GPT: variants seen among roughly 807,000 people sequenced by gnomAD.
GPT encodes the protein glutamic--pyruvic transaminase.
A neutral mutation model predicts 51.4 loss-of-function variants in GPT; 60 were observed. The observed-to-expected ratio is 1.17, with a 90% CI of 0.95 to 1.45. The LOEUF (loss-of-function observed/expected upper bound fraction) is 1.45. Among genes scored for constraint, GPT ranks in the 40% most tolerant of loss-of-function variants. GPT has a pLI of 0.00. For missense variants in GPT, 853 were observed against 704.0 expected (o/e 1.21, Z -2.40); for synonymous variants, 397 against 303.1 (o/e 1.31, Z -3.22).
upstream of GPT, chr8:144,504,028 C>T (rs1334605268): frequency 1.9e-6 from 1 of 534,366 alleles, no homozygotes; most frequent in Non-Finnish European, 3.4e-6. Flanking sequence ...TTGCCCCAAG[C>T]CCCGCCTGCC....
rs758443116 is a variant in GPT, at chr8:144,504,841, C to A, written c.323C>A (p.Ala108Glu). The A allele has an allele frequency of 5.0e-6, 8 of 1,613,516 alleles. No homozygotes were observed. The highest frequency in any genetic ancestry group is 6.8e-6 in the Non-Finnish European group (8 of 1,180,016). ...PNFPDDAKKR[A>E]ERILQACGGH... The stretch of plus-strand genomic sequence containing the variant: ...TTCCCTGACGATGCCAAGAAAAGGG[C>A]GGAGCGCATCTTGCAGGCGTGTGGG... Residue 108 changes from alanine to glutamate, a missense_variant, in exon 3 of 11, where the codon GCG becomes GAG. Ala to Glu is a moderately radical substitution (Grantham distance 107). Transcript: ENST00000394955.
Position 144,506,275 on chromosome 8 carries a change from G to T in GPT, c.1000G>T (p.Ala334Ser), listed in dbSNP as rs976176368. The T allele has an allele frequency of 6.2e-7, 1 of 1,604,584 alleles. No individual in the cohort carries two copies. The highest frequency in any genetic ancestry group is 8.5e-7 in the Non-Finnish European group (1 of 1,178,322). Residue 334 changes from alanine (A) to serine (S), a missense_variant, in exon 8 of 11, where the codon GCT becomes TCT. Ala to Ser is a moderately conservative substitution (Grantham distance 99). Coordinates refer to ENST00000394955, the MANE Select transcript of GPT (RefSeq NM_005309.3). The surrounding 1 kb of genome is among the most constrained non-coding windows in gnomAD (Gnocchi z 7.0). ...GGYVEVVNMD[A>S]AVQQQMLKLM... ...CTATGTGGAGGTGGTGAACATGGAC[G>T]CTGCAGTGCAGCAGCAGATGCTGAA... is the stretch of plus-strand genomic sequence containing the variant.
Position 144,505,479 on chromosome 8 carries a change from C to A in GPT, c.729C>A (p.Gly243=). ...RPRALCVINP[G]NPTGQVQTRE... is the part of the protein sequence containing the mutation. ...GTGCGCTCTGTGTCATCAACCCTGG[C>A]AACCCCACCGGTGCGTTCCCCGCCG... is the stretch of plus-strand genomic sequence containing the variant. Residue 243 remains glycine (G), a synonymous_variant, in exon 5 of 11, where the codon GGC becomes GGA. Transcript: ENST00000394955. 6.3e-7 allele frequency: 1 copy of A among 1,585,834 alleles called. No individual in the cohort carries two copies. Among genetic ancestry groups the A allele is most frequent in the Non-Finnish European group, 8.6e-7 (1 of 1,168,854 alleles).
Position 144,504,624 on chromosome 8 carries a change from C to T in GPT, c.183C>T (p.Thr61=), listed in dbSNP as rs755615509. ...CCCAGGGTGTGAAGAAGCCTTTCAC[C>T]GAGGTCATCCGTGCCAACATCGGGG... ...ELRQGVKKPF[T]EVIRANIGDA... The change falls in exon 2 of 11, where the codon ACC becomes ACT. Residue 61 remains threonine, a synonymous_variant. Coordinates refer to ENST00000394955, the MANE Select transcript of GPT (RefSeq NM_005309.3). 9 of 1,613,148 alleles carry T rather than the reference C, an allele frequency of 5.6e-6. No homozygotes were observed. Among genetic ancestry groups the T allele is most frequent in the East Asian group, 4.5e-5 (2 of 44,878 alleles).
chr8:144,505,909 C>T lies in GPT; in HGVS notation c.801C>T (p.Leu267=). ...AVIRFAFEER[L]FLLADEVYQD... is the part of the protein sequence containing the mutation. ...TCCGCTTCGCCTTCGAAGAGCGGCTCTTTCTGCTGGCGGACGAGGTGCGCG... is the reference window on the plus strand; with the variant it reads ...TCCGCTTCGCCTTCGAAGAGCGGCTTTTTCTGCTGGCGGACGAGGTGCGCG... The change falls in exon 6 of 11, where the codon CTC becomes CTT. Residue 267 remains leucine (L), a synonymous_variant. Coordinates refer to ENST00000394955, the MANE Select transcript of GPT (RefSeq NM_005309.3). 2 of 1,604,860 alleles carry T rather than the reference C, an allele frequency of 1.2e-6. No individual in the cohort carries two copies. Among genetic ancestry groups the T allele is most frequent in the Non-Finnish European group, 1.7e-6 (2 of 1,176,470 alleles).
chr8:144,503,859 G>T, upstream of GPT: 1 of 226,440 alleles, frequency 4.4e-6, no homozygotes, highest in Non-Finnish European at 8.9e-6. Context: ...CCTCAGGGCT[G>T]CTGGGCACCC....
Position 144,504,396 on chromosome 8 carries a change from GGA to G in GPT, c.96_97del (p.Arg32SerfsTer59). 2 of 1,611,784 alleles carry G rather than the reference GGA, an allele frequency of 1.2e-6. No homozygotes were observed. Among genetic ancestry groups the G allele is most frequent in the African/African-American group, 1.3e-5 (1 of 75,074 alleles). ...CTGGACGGCATGAACCCGCGTGTGC[GGA>G]GAGTGGAGTACGCAGTGCGTGGCCC... On this transcript the variant is annotated frameshift_variant, in exon 1 of 11. Transcript: ENST00000394955. LOFTEE classifies it high-confidence loss of function.
In GPT at chr8:144,505,421, C is replaced by T. The variant is rs1367251407; in HGVS notation, c.671C>T (p.Ala224Val). The T allele has an allele frequency of 1.3e-6, 2 of 1,599,570 alleles. No individual in the cohort carries two copies. Among genetic ancestry groups the T allele is most frequent in the Non-Finnish European group, 1.7e-6 (2 of 1,175,100 alleles). ...WALDVAELHR[A>V]LGQARDHCRP... ...CTGGACGTGGCCGAGCTTCACCGTG[C>T]ACTGGGCCAGGCGCGTGACCACTGC... The change falls in exon 5 of 11, where the codon GCA (alanine) becomes GTA (valine). Residue 224 changes from alanine to valine, a missense_variant. Ala to Val is a moderately conservative substitution (Grantham distance 64). Coordinates refer to ENST00000394955, the MANE Select transcript of GPT (RefSeq NM_005309.3).
At position 144,504,766 on chromosome 8, in the gene GPT, C is replaced by T. The variant is rs1216408637; in HGVS notation, c.253-5C>T. 6.2e-7 allele frequency: 1 copy of T among 1,607,558 alleles called. No individual in the cohort carries two copies. Among genetic ancestry groups the T allele is most frequent in the Non-Finnish European group, 8.5e-7 (1 of 1,175,142 alleles). On this transcript the variant is annotated splice_polypyrimidine_tract_variant and splice_region_variant and intron_variant, in intron 2 of 10. Transcript: ENST00000394955. ...TGCCCTGGCCTCAGCACTCCGTCTTCCCAGGTCTTGGCCCTCTGTGTTAAC... is the reference window on the plus strand; with the variant it reads ...TGCCCTGGCCTCAGCACTCCGTCTTTCCAGGTCTTGGCCCTCTGTGTTAAC...
Position 144,504,937 on chromosome 8 carries a change from C to T in GPT, c.361+58C>T, listed in dbSNP as rs944454866. 4.6e-5 allele frequency: 74 copies of T among 1,612,844 alleles called. No individual in the cohort carries two copies. In the African/African-American group the frequency reaches 5.5e-4, roughly 12 times the overall value. ...CGCCCTGCCACTGGAGGAGGGAAGT[C>T]CCTTGGGAGGGCTGAGGAGAACTTC... On this transcript the variant is annotated intron_variant, in intron 3 of 10. Transcript: ENST00000394955.
In GPT at chr8:144,506,887, C is replaced by T. The variant is rs545510201; in HGVS notation, c.1401-23C>T. On this transcript the variant is annotated intron_variant, in intron 10 of 10. Transcript: ENST00000394955. The surrounding 1 kb of genome is among the most constrained non-coding windows in gnomAD (Gnocchi z 7.0). ...TCCCTGTCCCGCCACCCTGGCCCTTCACTCACTGTCAACTCCTTTCAGGAT... is the reference window on the plus strand; with the variant it reads ...TCCCTGTCCCGCCACCCTGGCCCTTTACTCACTGTCAACTCCTTTCAGGAT... The T allele has an allele frequency of 6.2e-6, 10 of 1,612,116 alleles. No homozygotes were observed. In the African/African-American group the frequency reaches 1.3e-4, roughly 21 times the overall value.
rs749459106 is a variant in GPT at position 144,507,168 on chromosome 8, C to G, written c.*168C>G. 55 of 660,040 alleles carry G rather than the reference C, an allele frequency of 8.3e-5. No individual in the cohort carries two copies. The highest frequency in any genetic ancestry group is 1.4e-4 in the Non-Finnish European group (51 of 363,586). 40.9% of individuals were successfully genotyped at this position (660,040 alleles called of 1,614,324 possible). A position where few individuals can be genotyped will look rare whatever the true frequency, so the allele number is the denominator to read the frequency against. ...CTAATAAAGCTGTGTGGCAGTCTGA[C>G]TCCAGGGAGGAAGCGTTGGCAGCTG... On this transcript the variant is annotated 3_prime_UTR_variant, in exon 11 of 11. Transcript: ENST00000394955.
chr8:144,504,646 G>C lies in GPT; in HGVS notation c.205G>C (p.Gly69Arg), dbSNP rs763154411. The C allele has an allele frequency of 1.2e-6, 2 of 1,613,288 alleles. No individual in the cohort carries two copies. The highest frequency in any genetic ancestry group is 1.7e-6 in the Non-Finnish European group (2 of 1,180,000). ...PFTEVIRANI[G>R]DAQAMGQRPI... ...CACCGAGGTCATCCGTGCCAACATC[G>C]GGGACGCACAGGCTATGGGGCAGAG... The change falls in exon 2 of 11, where the codon GGG (glycine) becomes CGG (arginine). Residue 69 changes from glycine to arginine, a missense_variant. Transcript: ENST00000394955.
chr8:144,504,180 G>T lies in GPT; in HGVS notation c.-125G>T. ...GGTGAAGAGGGTGCTCTCTTGCCTG[G>T]AGTTCCCTCTGCTACGGCTGCCCCC... is the stretch of plus-strand genomic sequence containing the variant. On this transcript the variant is annotated 5_prime_UTR_variant, in exon 1 of 11. Coordinates refer to ENST00000394955, the MANE Select transcript of GPT (RefSeq NM_005309.3). The T allele has an allele frequency of 2.0e-6, 2 of 1,002,674 alleles. No homozygotes were observed. The highest frequency in any genetic ancestry group is 3.0e-6 in the Non-Finnish European group (2 of 663,552). The allele number at this position is 1,002,674 out of a possible 1,614,324, so 62.1% of individuals were successfully genotyped here.
At position 144,504,300 on chromosome 8, in the gene GPT, G is replaced by A. The variant is rs763398079; in HGVS notation, c.-5G>A. ...GCTGCCTTCCCGCCTGGTCTGGGTA[G>A]AGTCATGGCCTCGAGCACAGGTGAC... is the stretch of plus-strand genomic sequence containing the variant. On this transcript the variant is annotated 5_prime_UTR_variant, in exon 1 of 11. Transcript: ENST00000394955. 7.5e-5 allele frequency: 121 copies of A among 1,607,582 alleles called. No individual in the cohort carries two copies. The highest frequency in any genetic ancestry group is 1.0e-4 in the Non-Finnish European group (120 of 1,179,802).
Position 144,506,035 on chromosome 8 carries a change from A to C in GPT, c.860A>C (p.His287Pro). The C allele has an allele frequency of 6.2e-7, 1 of 1,612,302 alleles. No homozygotes were observed. The highest frequency in any genetic ancestry group is 8.5e-7 in the Non-Finnish European group (1 of 1,179,670). Residue 287 changes from histidine to proline, a missense_variant, in exon 7 of 11, where the codon CAC becomes CCC. Transcript: ENST00000394955. The surrounding 1 kb of genome is among the most constrained non-coding windows in gnomAD (Gnocchi z 7.0). Reference protein sequence around the residue: ...DNVYAAGSQFHSFKKVLMEMG... With the variant: ...DNVYAAGSQFPSFKKVLMEMG... ...GTGTACGCCGCGGGTTCGCAGTTCCACTCATTCAAGAAGGTGCTCATGGAG... is the reference window on the plus strand; with the variant it reads ...GTGTACGCCGCGGGTTCGCAGTTCCCCTCATTCAAGAAGGTGCTCATGGAG...
rs1281316053 is a variant in GPT, at chr8:144,504,888, C to A, written c.361+9C>A. On this transcript the variant is annotated intron_variant, in intron 3 of 10. Coordinates refer to ENST00000394955, the MANE Select transcript of GPT (RefSeq NM_005309.3). Reference sequence around the variant, plus strand: ...TGGGGGCCACAGTCTGGGTGAGAGCCAGGGCCAGGAGGAAGCAGAGGGCCG... The same window carrying A: ...TGGGGGCCACAGTCTGGGTGAGAGCAAGGGCCAGGAGGAAGCAGAGGGCCG... 4.3e-6 allele frequency: 7 copies of A among 1,613,048 alleles called. No homozygotes were observed. The highest frequency in any genetic ancestry group is 5.9e-6 in the Non-Finnish European group (7 of 1,179,942).
chr8:144,504,341 A>G lies in GPT; in HGVS notation c.37A>G (p.Arg13Gly). 1 of 1,610,930 alleles carries G rather than the reference A, an allele frequency of 6.2e-7. No homozygotes were observed. The highest frequency in any genetic ancestry group is 1.1e-5 in the South Asian group (1 of 91,088). The change falls in exon 1 of 11, where the codon AGG (arginine) becomes GGG (glycine). Residue 13 changes from arginine (R) to glycine (G), a missense_variant. Coordinates refer to ENST00000394955, the MANE Select transcript of GPT (RefSeq NM_005309.3). Reference sequence around the variant, plus strand: ...CACAGGTGACCGGAGCCAGGCGGTGAGGCATGGACTGAGGGCGAAGGTGCT... The same window carrying G: ...CACAGGTGACCGGAGCCAGGCGGTGGGGCATGGACTGAGGGCGAAGGTGCT... ...SSTGDRSQAVRHGLRAKVLTL... is the reference protein window; with the variant it reads ...SSTGDRSQAVGHGLRAKVLTL...
At chr8:144,503,819 G>A (rs187561199), upstream of GPT, 147 of 187,800 alleles carry the variant, frequency 7.8e-4, 1 homozygote, top group African/African-American at 3.0e-3. Context: ...GTCTCGCCTC[G>A]GGGGTCCCTC....
Sources: gnomAD v4.1 joint callset for allele counts on GRCh38, gnomAD v4.1.1 for gene constraint, Gnocchi (gnomAD v3.1) non-coding constraint, MANE v1.5 for transcripts, NCBI Gene and HGNC (gene_info 2026-07-23, HGNC 2026-07-21) for gene names.